Variants in LPP observed in about 807,000 individuals in gnomAD.
The protein encoded by LPP is lipoma-preferred partner.
LPP carries 38 observed loss-of-function variants against 60.4 expected under a neutral mutation model. The observed-to-expected ratio is 0.63, with a 90% CI of 0.49 to 0.83. The LOEUF (loss-of-function observed/expected upper bound fraction) is 0.83, where lower values mean the gene tolerates loss of function less well. Ranked by LOEUF, LPP falls within the 40% of genes least tolerant of loss-of-function variation. The probability of loss-of-function intolerance (pLI) is 0.00; values close to 1 mark genes in which losing one functional copy is unlikely to be tolerated. For missense variants in LPP, 902 were observed against 783.6 expected (o/e 1.15, Z -1.80); for synonymous variants, 328 against 290.8 (o/e 1.13, Z -1.30).
chr3:188,244,420 G>A (rs1726129864), intron 2 of LPP, among the ~76,000 whole-genome samples: 1 of 152,130 alleles, frequency 6.6e-6, no homozygotes, highest in African/African-American at 2.4e-5. Flanking sequence ...TCCAACTTGG[G>A]TTCTGGGTTC....
intron 2 of LPP, among the ~76,000 whole-genome samples, chr3:188,309,408 C>T (rs1181936903): frequency 6.6e-6 from 1 of 152,094 alleles, no homozygotes; most frequent in Non-Finnish European, 1.5e-5. Flanking sequence ...TTGAGCGCAC[C>T]TGAAGCTAAG....
chr3:188,392,221 T>G (rs1779880665), intron 3 of LPP, among the ~76,000 whole-genome samples: 2 of 152,210 alleles, frequency 1.3e-5, no homozygotes, highest in Non-Finnish European at 2.9e-5. Flanking sequence ...CAGTTTTACT[T>G]TAGGGAATCC....
chr3:188,672,722 C>T (rs796560245), intron 7 of LPP, among the ~76,000 whole-genome samples: 1 of 152,144 alleles, frequency 6.6e-6, no homozygotes, highest in South Asian at 2.1e-4. Context: ...GTTTTCCAAT[C>T]GCTTGTTCTT....
At chr3:188,866,176 C>T (rs201732162) in intron 9 of LPP, 24 bp from the exon 10 acceptor site, 39 of 1,446,966 alleles carry the variant, frequency 2.7e-5, no homozygotes, top group Admixed American at 1.2e-4. Flanking sequence ...CCCAGTCTGA[C>T]GTGGTTTCTG....
chr3:188,823,952 C>A (rs1754686218), intron 9 of LPP, among the ~76,000 whole-genome samples: 1 of 151,998 alleles, frequency 6.6e-6, no homozygotes, highest in African/African-American at 2.4e-5. Context: ...TAAGTATATT[C>A]CACTACCAAA....
At chr3:188,407,676 C>A (rs1451074443) in intron 4 of LPP, among the ~76,000 whole-genome samples, 1 of 151,032 alleles carries the variant, frequency 6.6e-6, no homozygotes, top group African/African-American at 2.4e-5. Flanking sequence ...ACTCATCCTT[C>A]TTTAGTGACT....
intron 7 of LPP, among the ~76,000 whole-genome samples, chr3:188,641,380 A>G (rs925714925): frequency 6.6e-6 from 1 of 152,156 alleles, no homozygotes; most frequent in Non-Finnish European, 1.5e-5. Flanking sequence ...AAATTTTTAT[A>G]CGATTTGGGA....
intron 8 of LPP, among the ~76,000 whole-genome samples, chr3:188,714,924 G>A (rs1311410142): frequency 1.3e-5 from 2 of 152,122 alleles, no homozygotes; most frequent in African/African-American, 2.4e-5. Flanking sequence ...AAAGTTGGGG[G>A]TAGGAGAAAA....
At chr3:188,677,464 G>A (rs1032037471) in intron 7 of LPP, among the ~76,000 whole-genome samples, 11 of 152,138 alleles carry the variant, frequency 7.2e-5, no homozygotes, top group African/African-American at 2.4e-4. Flanking sequence ...CAGGAGAGAT[G>A]CCCTCTTACT....
chr3:188,379,007 G>A (rs1578463386), intron 3 of LPP, among the ~76,000 whole-genome samples: 1 of 152,144 alleles, frequency 6.6e-6, no homozygotes, highest in African/African-American at 2.4e-5. Flanking sequence ...CTCAAGTTGT[G>A]CCTTGCTTGA....
intron 4 of LPP, among the ~76,000 whole-genome samples, chr3:188,414,377 G>A (rs1785628146): frequency 6.6e-6 from 1 of 152,108 alleles, no homozygotes; most frequent in Admixed American, 6.6e-5. Context: ...GTGGATTAGG[G>A]TTGCTTAGCT....
At chr3:188,247,800 GA>G (rs796405602) in intron 2 of LPP, among the ~76,000 whole-genome samples, 3,418 of 78,602 alleles carry the variant, frequency 0.043, 116 homozygotes, top group African/African-American at 0.12. Context: ...CTCCATCTCA[GA>G]AAAAAAAAAA....
At chr3:188,559,533 TC>T (rs1190738144) in intron 6 of LPP, among the ~76,000 whole-genome samples, 2 of 152,072 alleles carry the variant, frequency 1.3e-5, no homozygotes, top group Admixed American at 1.3e-4. Flanking sequence ...TATGTCTTAG[TC>T]TTTATAGAAA....
intron 6 of LPP, among the ~76,000 whole-genome samples, chr3:188,581,258 G>C (rs763021549): frequency 1.3e-5 from 2 of 151,974 alleles, no homozygotes; most frequent in African/African-American, 2.4e-5. Flanking sequence ...ATTGTCGTTG[G>C]AGATGGTGAC....
At chr3:188,540,476 G>T (rs978850105) in intron 6 of LPP, among the ~76,000 whole-genome samples, 7 of 152,106 alleles carry the variant, frequency 4.6e-5, no homozygotes, top group Non-Finnish European at 1.0e-4. Flanking sequence ...TTGTGCTCAG[G>T]ATAATTTGGA....
intron 1 of LPP, chr3:188,179,224 G>C (rs758614174): frequency 2.2e-6 from 1 of 457,866 alleles, no homozygotes; most frequent in South Asian, 1.5e-5. Flanking sequence ...ACCGTGAAGA[G>C]CATGCATGGA....
At chr3:188,802,585 C>A (rs1747610097) in intron 9 of LPP, among the ~76,000 whole-genome samples, 1 of 152,080 alleles carries the variant, frequency 6.6e-6, no homozygotes, top group African/African-American at 2.4e-5. Context: ...GTGTTCTAGA[C>A]CAGCCTGGCC....
At chr3:188,675,739 A>T (rs1857920569) in intron 7 of LPP, among the ~76,000 whole-genome samples, 1 of 152,240 alleles carries the variant, frequency 6.6e-6, no homozygotes, top group African/African-American at 2.4e-5. Flanking sequence ...TAAAGTTCTT[A>T]GTGAGCTCTG....
At chr3:188,479,969 G>T (rs1484266379) in intron 4 of LPP, among the ~76,000 whole-genome samples, 1 of 152,130 alleles carries the variant, frequency 6.6e-6, no homozygotes, top group Non-Finnish European at 1.5e-5. Context: ...GGGGGCCTTT[G>T]TTTCATAAAG....
Sources: gnomAD v4.1 joint callset for allele counts (sites outside exome capture counted in the v4.1 genomes callset) on GRCh38, gnomAD v4.1.1 for gene constraint, MANE v1.5 for transcripts, NCBI Gene and HGNC (gene_info 2026-07-23, HGNC 2026-07-21) for gene names.